The following SLC51A variants were observed in gnomAD, a reference collection of about 807,000 sequenced individuals.
SLC51A encodes the protein organic solute transporter subunit alpha.
SLC51A carries 22 observed loss-of-function variants against 34.8 expected under a neutral mutation model. That is an observed-to-expected ratio of 0.63 (90% CI 0.45 to 0.90). The LOEUF is 0.90. Among genes scored for constraint, SLC51A ranks in the 40% least tolerant of loss-of-function variants. The pLI is 0.00. For missense variants in SLC51A, 371 were observed against 414.8 expected, an observed-to-expected ratio of 0.89 and a Z score of 0.92; for synonymous variants, 181 against 176.3, an observed-to-expected ratio of 1.03 and a Z score of -0.21.
chr3:196,227,803 G>C, intron 4 of SLC51A, 66 bp downstream of exon 4: 2 of 1,447,146 alleles, frequency 1.4e-6, no homozygotes, highest in Non-Finnish European at 1.9e-6. Flanking sequence ...ACTCGAGTCC[G>C]TGTCCTTGAT....
chr3:196,230,502 T>C (rs1243656290), intron 7 of SLC51A, among the ~76,000 whole-genome samples: 1 of 148,174 alleles, frequency 6.7e-6, no homozygotes, highest in East Asian at 2.2e-4. Flanking sequence ...TGTTTCTGTG[T>C]GTCTTCTATT....
chr3:196,228,403 C>T lies in SLC51A; in HGVS notation c.521+130C>T. 4 of 1,218,126 alleles carry T rather than the reference C, an allele frequency of 3.3e-6. No individual in the cohort carries two copies. Among genetic ancestry groups the T allele is most frequent in the Non-Finnish European group, 4.5e-6 (4 of 898,716 alleles). 75.5% of individuals were successfully genotyped at this position (1,218,126 alleles called of 1,614,324 possible). A position where few individuals can be genotyped will look rare whatever the true frequency, so the allele number is the denominator to read the frequency against. On this transcript the variant is annotated intron_variant, in intron 5 of 8. Coordinates refer to ENST00000296327, the MANE Select transcript of SLC51A (RefSeq NM_152672.6). This position sits in a 1 kb window ranked among gnomAD's most constrained non-coding sequence, Gnocchi z 4.9. ...TGACGGAAGGGTGGGCATCCCACGG[C>T]CAGGACCCACGGGCGCCACCCTCAG... is the stretch of plus-strand genomic sequence containing the variant.
chr3:196,217,227 TAAGAA>T (rs933222269), intron 1 of SLC51A, among the ~76,000 whole-genome samples: 1 of 152,140 alleles, frequency 6.6e-6, no homozygotes, highest in Non-Finnish European at 1.5e-5. Flanking sequence ...CCACTCCCTC[TAAGAA>T]AAGGGCCCTG....
At chr3:196,229,394 T>C (rs1267718663) in intron 6 of SLC51A, among the ~76,000 whole-genome samples, 1 of 151,102 alleles carries the variant, frequency 6.6e-6, no homozygotes. Flanking sequence ...TTTTTTTTTT[T>C]TGAGACGGAG....
At chr3:196,224,742 AGAGGGGAGGGAATG>A (rs1723855091) in intron 2 of SLC51A, among the ~76,000 whole-genome samples, 4 of 21,110 alleles carry the variant, frequency 1.9e-4, no homozygotes, top group Admixed American at 7.3e-4. Context: ...AGGAGAGGGG[AGAGGGGAGGGAATG>A]GGAGAGGGGA....
chr3:196,219,592 G>C (rs1723691491), intron 2 of SLC51A, among the ~76,000 whole-genome samples: 2 of 152,212 alleles, frequency 1.3e-5, no homozygotes, highest in African/African-American at 4.8e-5. Flanking sequence ...GCCACTCTGT[G>C]GTTAGTGGCA....
chr3:196,227,381 G>A, intron 3 of SLC51A: 2 of 592,426 alleles, frequency 3.4e-6, no homozygotes. Flanking sequence ...CCCCGCTACA[G>A]TGTTGCCACT....
Position 196,226,985 on chromosome 3 carries a change from G to T in SLC51A, c.154G>T (p.Ala52Ser). Residue 52 changes from alanine (A) to serine (S), a missense_variant, in exon 3 of 9, where the codon GCC (alanine) becomes TCC (serine). Coordinates refer to ENST00000296327, the MANE Select transcript of SLC51A (RefSeq NM_152672.6). ...LLRALGPVEL[A>S]LTSILTLLAL... ...TCTAGCCCTGGGCCCTGTGGAACTTGCCCTCACTAGCATCCTGACCTTGCT... is the reference window on the plus strand; with the variant it reads ...TCTAGCCCTGGGCCCTGTGGAACTTTCCCTCACTAGCATCCTGACCTTGCT... The T allele has an allele frequency of 6.2e-7, 1 of 1,613,594 alleles. No homozygotes were observed. Among genetic ancestry groups the T allele is most frequent in the East Asian group, 2.2e-5 (1 of 44,836 alleles).
intron 2 of SLC51A, among the ~76,000 whole-genome samples, chr3:196,220,959 G>C (rs572972072): frequency 6.8e-6 from 1 of 146,760 alleles, no homozygotes; most frequent in Non-Finnish European, 1.5e-5. Context: ...GTGCGATCTC[G>C]GCTTACCCCA....
At chr3:196,218,009 C>T (rs569188754) in intron 2 of SLC51A, 73 bp downstream of exon 2, 176 of 1,394,004 alleles carry the variant, frequency 1.3e-4, no homozygotes, top group East Asian at 3.5e-4. Flanking sequence ...TGGGGAGAGG[C>T]GGCCCTGAGC....
At position 196,219,548 on chromosome 3, in the gene SLC51A, G is replaced by A. The variant is rs115318209; in HGVS notation, c.133+1612G>A. On this transcript the variant is annotated intron_variant, in intron 2 of 8. Coordinates refer to ENST00000296327, the MANE Select transcript of SLC51A (RefSeq NM_152672.6). ...ATTTCAGATGATCTGAACCAGAGCG[G>A]TTGCCAACTGCCAGTGTCCGGAGAT... 3.3e-3 allele frequency among the ~76,000 whole-genome samples: 495 copies of A among 151,946 alleles called. 3 individuals carry two copies. The highest frequency in any genetic ancestry group is 0.011 in the African/African-American group (458 of 41,190).
rs1030225074 is a variant in SLC51A, at chr3:196,216,953, C to T, written c.38+203C>T. On this transcript the variant is annotated intron_variant, in intron 1 of 8. Transcript: ENST00000296327. This position sits in a 1 kb window ranked among gnomAD's most constrained non-coding sequence, Gnocchi z 4.5. Reference sequence around the variant, plus strand: ...ACACTCCAGGGCCTCGGCCTTGCCCCCCAGCGTGGGGAGAGAAAGGTCGCA... The same window carrying T: ...ACACTCCAGGGCCTCGGCCTTGCCCTCCAGCGTGGGGAGAGAAAGGTCGCA... Among the ~76,000 whole-genome samples, 4 of 152,220 alleles carry T rather than the reference C, an allele frequency of 2.6e-5. No homozygotes were observed. The highest frequency in any genetic ancestry group is 2.0e-4 in the Admixed American group (3 of 15,290).
At position 196,229,620 on chromosome 3, in the gene SLC51A, G is replaced by A. The variant is rs1047514250; in HGVS notation, c.634-295G>A. Among the ~76,000 whole-genome samples the A allele has an allele frequency of 9.5e-5, 14 of 147,916 alleles. No homozygotes were observed. The East Asian group carries it at 1.9e-3, about 20-fold the overall frequency. On this transcript the variant is annotated intron_variant, in intron 6 of 8. Transcript: ENST00000296327. Reference sequence around the variant, plus strand: ...TTGAACACCTGACCTCAGGTGATCCGCCCGCCTCTGCCTCCCAAAGTGCTG... The same window carrying A: ...TTGAACACCTGACCTCAGGTGATCCACCCGCCTCTGCCTCCCAAAGTGCTG...
Position 196,226,783 on chromosome 3 carries a change from AAAAAAAGAAAAAG to A in SLC51A, c.134-175_134-163del, listed in dbSNP as rs1215910350. Reference sequence around the variant, plus strand: ...AGTGAGGCTCCGTCTTAAAAAAAAAAAAAAAAGAAAAAGAAAAAAAAAAGACTATTTCTTAGGT... The same window carrying A: ...AGTGAGGCTCCGTCTTAAAAAAAAAAAAAAAAAAAAGACTATTTCTTAGGT... On this transcript the variant is annotated intron_variant, in intron 2 of 8. Coordinates refer to ENST00000296327, the MANE Select transcript of SLC51A (RefSeq NM_152672.6). Among the ~76,000 whole-genome samples, 27 of 150,176 alleles carry A rather than the reference AAAAAAAGAAAAAG, an allele frequency of 1.8e-4. 1 individual carries two copies. Among genetic ancestry groups the A allele is most frequent in the Non-Finnish European group, 5.9e-5 (4 of 67,630 alleles).
intron 2 of SLC51A, among the ~76,000 whole-genome samples, chr3:196,226,191 C>G (rs552142034): frequency 1.2e-4 from 19 of 152,188 alleles, no homozygotes; most frequent in African/African-American, 4.6e-4. Flanking sequence ...GGTGGGGGTG[C>G]ACACCTGTAG....
chr3:196,232,364 T>G, intron 7 of SLC51A, 55 bp from the exon 8 acceptor site: 1 of 1,434,388 alleles, frequency 7.0e-7, no homozygotes, highest in Non-Finnish European at 9.8e-7. Flanking sequence ...CTGGCTGCGT[T>G]CTGTGCCGTG....
At chr3:196,232,329 CG>C in intron 7 of SLC51A, 89 bp from the exon 8 acceptor site, 2 of 948,294 alleles carry the variant, frequency 2.1e-6, no homozygotes. Flanking sequence ...ACCTGCCCAG[CG>C]GAAGGGCAAG....
At chr3:196,220,403 C>G (rs1409004410) in intron 2 of SLC51A, among the ~76,000 whole-genome samples, 1 of 152,122 alleles carries the variant, frequency 6.6e-6, no homozygotes, top group Non-Finnish European at 1.5e-5. Context: ...TCAAGATCAG[C>G]CTGGCCAATG....
At chr3:196,218,000 G>A (rs1723641443) in intron 2 of SLC51A, 64 bp downstream of exon 2, 2 of 1,462,904 alleles carry the variant, frequency 1.4e-6, no homozygotes, top group African/African-American at 2.8e-5. Context: ...GAGTGGAGCT[G>A]GGGAGAGGCG....
Sources: allele counts gnomAD v4.1 joint callset (sites outside exome capture counted in the v4.1 genomes callset), GRCh38; gene constraint gnomAD v4.1.1; non-coding constraint Gnocchi (gnomAD v3.1); transcripts MANE v1.5; gene names NCBI Gene and HGNC (gene_info 2026-07-23, HGNC 2026-07-21).